Variants in SPATA7 observed in about 807,000 individuals in gnomAD.
SPATA7 encodes the protein spermatogenesis-associated protein 7.
SPATA7 carries 43 observed loss-of-function variants against 51.8 expected under a neutral mutation model. The observed-to-expected ratio is 0.83, with a 90% CI of 0.65 to 1.07. The LOEUF (loss-of-function observed/expected upper bound fraction) is 1.07, where lower values mean the gene tolerates loss of function less well. Ranked by LOEUF, SPATA7 falls within the 50% of genes least tolerant of loss-of-function variation. The pLI is 0.00. For synonymous variants in SPATA7, 230 were observed against 252.8 expected (o/e 0.91, Z 0.86); for missense variants, 683 against 701.3 (o/e 0.97, Z 0.30).
At chr14:88,405,915 A>G (rs2076188413) in intron 4 of SPATA7, among the ~76,000 whole-genome samples, 1 of 152,174 alleles carries the variant, frequency 6.6e-6, no homozygotes, top group South Asian at 2.1e-4. Flanking sequence ...GCTAGTGCTT[A>G]TTTATCCATG....
At chr14:88,420,206 C>T (rs2076603348) in intron 5 of SPATA7, among the ~76,000 whole-genome samples, 1 of 152,128 alleles carries the variant, frequency 6.6e-6, no homozygotes, top group Middle Eastern at 3.2e-3. Context: ...GAGTAGGTTT[C>T]CTGGAGGAAA....
chr14:88,400,368 AAG>A (rs970990544), intron 4 of SPATA7, among the ~76,000 whole-genome samples: 1 of 152,238 alleles, frequency 6.6e-6, no homozygotes, highest in Non-Finnish European at 1.5e-5. Context: ...CTTACATTAA[AAG>A]AGGGGATCTC....
intron 2 of SPATA7, among the ~76,000 whole-genome samples, chr14:88,392,735 T>A (rs1203965327): frequency 6.6e-6 from 1 of 152,162 alleles, no homozygotes. Context: ...TCTCAAAAAC[T>A]GTTTTTAATG....
At chr14:88,386,108 T>C (rs2075567808) in intron 1 of SPATA7, 1 of 1,258,100 alleles carries the variant, frequency 7.9e-7, no homozygotes, top group East Asian at 2.7e-5. Flanking sequence ...GTGCAGCCTT[T>C]AAAACCTCAG....
intron 4 of SPATA7, among the ~76,000 whole-genome samples, chr14:88,404,776 G>A (rs544373957): frequency 6.6e-6 from 1 of 152,208 alleles, no homozygotes; most frequent in Admixed American, 6.5e-5. Context: ...TTTTGCTAGA[G>A]TAACAAAATA....
At chr14:88,457,049 A>G (rs551796585), downstream of SPATA7, among the ~76,000 whole-genome samples, 1 of 152,160 alleles carries the variant, frequency 6.6e-6, no homozygotes, top group African/African-American at 2.4e-5. Context: ...GTGTGGTATT[A>G]TTTCTGAGGG....
At chr14:88,421,794 C>A (rs1319777371) in intron 5 of SPATA7, among the ~76,000 whole-genome samples, 1 of 151,794 alleles carries the variant, frequency 6.6e-6, no homozygotes, top group African/African-American at 2.4e-5. Context: ...GCTAAAAATA[C>A]AAAAATTAGC....
Position 88,433,135 on chromosome 14 carries a change from T to C in SPATA7, c.1083T>C (p.Asp361=). 6.2e-7 allele frequency: 1 copy of C among 1,610,642 alleles called. No homozygotes were observed. The highest frequency in any genetic ancestry group is 8.5e-7 in the Non-Finnish European group (1 of 1,178,442). Residue 361 remains aspartate, a splice_region_variant and synonymous_variant, in exon 10 of 12, where the codon GAT becomes GAC. Transcript: ENST00000393545. ...GCTATATATTGCCTTCCTTTTACAG[T>C]GAAGAAGAACTGTTGTATCTGAGTT... ...KPPSTRKIYS[D]EEELLYLSFI...
rs2077428192 is a variant in SPATA7, at chr14:88,469,758, T to C, written c.255-89T>C. The C allele has an allele frequency of 6.2e-7, 1 of 1,612,208 alleles. No homozygotes were observed. The highest frequency in any genetic ancestry group is 1.1e-5 in the South Asian group (1 of 91,018). On this transcript the variant is annotated intron_variant, in intron 4 of 4. Transcript: ENST00000556406. The surrounding 1 kb of genome is among the most constrained non-coding windows in gnomAD (Gnocchi z 4.3). ...CCTGTTAAAGATGAGCATGGTTAAA[T>C]GACTCGAGATCCGGCAATGGATGCC... is the stretch of plus-strand genomic sequence containing the variant.
intron 4 of SPATA7, among the ~76,000 whole-genome samples, chr14:88,461,751 C>G (rs932711950): frequency 2.0e-5 from 3 of 152,164 alleles, no homozygotes; most frequent in African/African-American, 7.2e-5. Flanking sequence ...GTGAGATGAA[C>G]CCGGTACCTC....
At chr14:88,448,072 CAG>C (rs774531368) in intron 3 of SPATA7, among the ~76,000 whole-genome samples, 185 of 152,108 alleles carry the variant, frequency 1.2e-3, no homozygotes, top group Non-Finnish European at 1.8e-3. Flanking sequence ...TAATATCTTG[CAG>C]AGTGTTTTCC....
Position 88,415,660 on chromosome 14 carries a change from T to C in SPATA7, c.239-1051T>C, listed in dbSNP as rs750529334. Among the ~76,000 whole-genome samples the C allele has an allele frequency of 2.0e-5, 3 of 152,288 alleles. No homozygotes were observed. In the South Asian group the frequency reaches 6.2e-4, roughly 32 times the overall value. ...ATGGTGGTGTTTGCTGTTTGCTTTG[T>C]AGTCTTGATTGCGTATTTGCTTTAT... On this transcript the variant is annotated intron_variant, in intron 4 of 11. Transcript: ENST00000393545.
At position 88,469,675 on chromosome 14, in the gene SPATA7, G is replaced by C. The variant is rs1407789964; in HGVS notation, c.255-172G>C. 1 of 1,614,196 alleles carries C rather than the reference G, an allele frequency of 6.2e-7. No homozygotes were observed. ...GATCTTAAACCTTCCATAGGTGACAGTGTTGTGCCTGGAACCAAGTCGTGG... is the reference window on the plus strand; with the variant it reads ...GATCTTAAACCTTCCATAGGTGACACTGTTGTGCCTGGAACCAAGTCGTGG... On this transcript the variant is annotated intron_variant, in intron 4 of 4. Transcript: ENST00000556406. The surrounding 1 kb of genome is among the most constrained non-coding windows in gnomAD (Gnocchi z 4.3).
At chr14:88,453,943 C>T (rs571503204) in intron 3 of SPATA7, among the ~76,000 whole-genome samples, 1 of 152,294 alleles carries the variant, frequency 6.6e-6, no homozygotes, top group South Asian at 2.1e-4. Context: ...GTGCATTCTG[C>T]TTTGTGCTCA....
chr14:88,468,072 G>A (rs954094050), intron 4 of SPATA7: 13 of 1,569,976 alleles, frequency 8.3e-6, no homozygotes, highest in Admixed American at 1.7e-5. Flanking sequence ...TATGAGTTAG[G>A]CAAGCGCTTT....
intron 4 of SPATA7, among the ~76,000 whole-genome samples, chr14:88,401,183 G>T (rs1439930077): frequency 6.6e-6 from 1 of 152,116 alleles, no homozygotes; most frequent in Non-Finnish European, 1.5e-5. Flanking sequence ...GGATACAAAG[G>T]TGGTTCAACA....
At chr14:88,428,863 A>G (rs1293388303) in intron 7 of SPATA7, 2 of 166,674 alleles carry the variant, frequency 1.2e-5, no homozygotes, top group East Asian at 1.7e-4. Context: ...TAATGATGTG[A>G]GTAAATGCTT....
rs748574621 is a variant in SPATA7, at chr14:88,438,451, A to C, written c.*29A>C. On this transcript the variant is annotated 3_prime_UTR_variant, in exon 12 of 12. Transcript: ENST00000393545. Reference sequence around the variant, plus strand: ...TCATTAATAAATACCTCAAATGGCCAGTAACTCAATATTACTTTTCTTCCT... The same window carrying C: ...TCATTAATAAATACCTCAAATGGCCCGTAACTCAATATTACTTTTCTTCCT... 6.7e-7 allele frequency: 1 copy of C among 1,484,624 alleles called. No individual in the cohort carries two copies. The highest frequency in any genetic ancestry group is 1.1e-5 in the South Asian group (1 of 87,566). 92.0% of individuals were successfully genotyped at this position (1,484,624 alleles called of 1,614,324 possible). A position where few individuals can be genotyped will look rare whatever the true frequency, so the allele number is the denominator to read the frequency against.
chr14:88,437,619 C>T, intron 11 of SPATA7, 22 bp downstream of exon 11: 1 of 1,558,728 alleles, frequency 6.4e-7, no homozygotes, highest in Non-Finnish European at 8.8e-7. Flanking sequence ...CTTATAACTT[C>T]ATTAGAAAAA....
Sources: allele counts gnomAD v4.1 joint callset (sites outside exome capture counted in the v4.1 genomes callset), GRCh38; gene constraint gnomAD v4.1.1; non-coding constraint Gnocchi (gnomAD v3.1); transcripts MANE v1.5; gene names NCBI Gene and HGNC (gene_info 2026-07-23, HGNC 2026-07-21).